The following GARNL3 variants were observed in gnomAD, a reference collection of about 807,000 sequenced individuals.
GARNL3 encodes the protein GTPase activating Rap/RanGAP domain like 3, also known as GTPase-activating Rap/Ran-GAP domain-like protein 3.
A neutral mutation model predicts 125.0 loss-of-function variants in GARNL3; 63 were observed. The ratio of observed to expected loss-of-function variants is 0.50; its 90% confidence interval spans 0.41 to 0.62. The LOEUF (loss-of-function observed/expected upper bound fraction) is 0.62. GARNL3 is among the 20% of genes least tolerant of loss of function. GARNL3 has a pLI of 0.00. For missense variants in GARNL3, 994 were observed against 1,244.0 expected, an observed-to-expected ratio of 0.80 and a Z score of 3.02; for synonymous variants, 439 against 457.5, an observed-to-expected ratio of 0.96 and a Z score of 0.52.
At chr9:127,341,265 A>G (rs1829845871) in intron 13 of GARNL3, among the ~76,000 whole-genome samples, 1 of 152,170 alleles carries the variant, frequency 6.6e-6, no homozygotes. Flanking sequence ...AAATGCTACA[A>G]CAAGGTCCCA....
intron 7 of GARNL3, among the ~76,000 whole-genome samples, chr9:127,330,258 A>T (rs567489628): frequency 6.6e-6 from 1 of 152,330 alleles, no homozygotes; most frequent in East Asian, 1.9e-4. Context: ...GTGCTTTTTA[A>T]GGGACCCTTG....
intron 1 of GARNL3, among the ~76,000 whole-genome samples, chr9:127,240,800 CAGG>C (rs148208651): frequency 0.14 from 21,195 of 152,054 alleles, 1,921 homozygotes; most frequent in East Asian, 0.2. Flanking sequence ...CCCAGCTACT[CAGG>C]AGGTTGAGGC....
intron 16 of GARNL3, among the ~76,000 whole-genome samples, chr9:127,348,067 T>C (rs1257184559): frequency 6.6e-6 from 1 of 152,200 alleles, no homozygotes; most frequent in African/African-American, 2.4e-5. Flanking sequence ...CAGGCTCTAC[T>C]ACAGCCCCAG....
intron 26 of GARNL3, among the ~76,000 whole-genome samples, chr9:127,390,262 A>G (rs1372810940): frequency 6.6e-6 from 1 of 152,178 alleles, no homozygotes; most frequent in African/African-American, 2.4e-5. Flanking sequence ...TTGAAAATAA[A>G]TGTATTGCTA....
At chr9:127,342,097 C>A in intron 13 of GARNL3, 122 bp from the exon 14 acceptor site, 1 of 701,246 alleles carries the variant, frequency 1.4e-6, no homozygotes, top group South Asian at 1.8e-5. Flanking sequence ...GAAAAAAAAC[C>A]TCAAACAAAA....
At chr9:127,243,672 C>T (rs1334015659) in intron 2 of GARNL3, among the ~76,000 whole-genome samples, 1 of 152,138 alleles carries the variant, frequency 6.6e-6, no homozygotes, top group South Asian at 2.1e-4. Flanking sequence ...TACATTTTAC[C>T]TACCTTTTGA....
chr9:127,383,405 A>G, intron 22 of GARNL3, 33 bp from the exon 23 acceptor site: 2 of 1,389,576 alleles, frequency 1.4e-6, no homozygotes. Flanking sequence ...TGTTGTCTCT[A>G]ACAAAAATGA....
chr9:127,384,926 A>T lies in GARNL3; in HGVS notation c.2270-101A>T. 1 of 614,262 alleles carries T rather than the reference A, an allele frequency of 1.6e-6. No individual in the cohort carries two copies. Among genetic ancestry groups the T allele is most frequent in the Non-Finnish European group, 2.9e-6 (1 of 344,590 alleles). The allele number at this position is 614,262 out of a possible 1,614,324, so 38.1% of individuals were successfully genotyped here. A position where few individuals can be genotyped will look rare whatever the true frequency, so the allele number is the denominator to read the frequency against. On this transcript the variant is annotated intron_variant, in intron 23 of 27. Transcript: ENST00000373387. This position sits in a 1 kb window ranked among gnomAD's most constrained non-coding sequence, Gnocchi z 4.0. ...AGAGAAGCAGCCAGAGGAATGAGAG[A>T]TGGAAGTTTCTAGAGAAGTGAGTGT...
intron 1 of GARNL3, among the ~76,000 whole-genome samples, chr9:127,226,725 C>T (rs571960324): frequency 1.3e-5 from 2 of 152,334 alleles, no homozygotes; most frequent in South Asian, 2.1e-4. Context: ...TCTTCAAGTC[C>T]ACATAACACT....
intron 1 of GARNL3, among the ~76,000 whole-genome samples, chr9:127,231,032 A>G (rs1392018641): frequency 5.8e-5 from 3 of 51,478 alleles, no homozygotes; most frequent in Non-Finnish European, 1.1e-4. Flanking sequence ...ATATGTATAT[A>G]TACATATATA....
At chr9:127,347,116 G>A (rs1013682421) in intron 16 of GARNL3, among the ~76,000 whole-genome samples, 17 of 152,146 alleles carry the variant, frequency 1.1e-4, no homozygotes, top group Admixed American at 4.6e-4. Context: ...GACACCCTGC[G>A]TGCACCTGCC....
chr9:127,255,743 G>T (rs976822301), intron 2 of GARNL3, among the ~76,000 whole-genome samples: 1 of 152,200 alleles, frequency 6.6e-6, no homozygotes, highest in African/African-American at 2.4e-5. Flanking sequence ...GAATCCCAGG[G>T]AAATCTTGTT....
rs529353758 is a variant in GARNL3 at position 127,365,618 on chromosome 9, T to A, written c.2161+252T>A. ...GGATGCGCCAGTGATGACAATGGCT[T>A]CCAGTTAGGAGGCCCTTACTGTGTG... is the stretch of plus-strand genomic sequence containing the variant. On this transcript the variant is annotated intron_variant, in intron 22 of 27. Coordinates refer to ENST00000373387, the MANE Select transcript of GARNL3 (RefSeq NM_032293.5). Among the ~76,000 whole-genome samples, 3 of 152,282 alleles carry A rather than the reference T, an allele frequency of 2.0e-5. No individual in the cohort carries two copies. In the East Asian group the frequency reaches 5.8e-4, roughly 29 times the overall value.
In GARNL3 at chr9:127,311,748, T is replaced by A; in HGVS notation, c.319+13T>A. On this transcript the variant is annotated intron_variant, in intron 3 of 27. Transcript: ENST00000373387. ...TTTTTAGGACAAGGTAATTATGCTA[T>A]TGTGGTGGTAGGGAAGAAAGGGTAT... 6.5e-7 allele frequency: 1 copy of A among 1,538,868 alleles called. No individual in the cohort carries two copies. The highest frequency in any genetic ancestry group is 2.2e-5 in the East Asian group (1 of 44,510).
At chr9:127,379,494 G>T (rs1198471105) in intron 22 of GARNL3, among the ~76,000 whole-genome samples, 1 of 152,202 alleles carries the variant, frequency 6.6e-6, no homozygotes, top group Non-Finnish European at 1.5e-5. Context: ...GCTAGAAGTG[G>T]TCTAGATGGT....
At position 127,384,738 on chromosome 9, in the gene GARNL3, C is replaced by A. The variant is rs982151369; in HGVS notation, c.2270-289C>A. Among the ~76,000 whole-genome samples the A allele has an allele frequency of 7.9e-5, 12 of 152,174 alleles. No homozygotes were observed. The highest frequency in any genetic ancestry group is 2.9e-5 in the Non-Finnish European group (2 of 68,016). ...CCACAGGACTATGGCAAGTGAGCTG[C>A]CTCGCTGGAAGATCAGGCAGTGGGG... is the stretch of plus-strand genomic sequence containing the variant. On this transcript the variant is annotated intron_variant, in intron 23 of 27. Transcript: ENST00000373387. This position sits in a 1 kb window ranked among gnomAD's most constrained non-coding sequence, Gnocchi z 4.0.
At chr9:127,323,556 T>G (rs2065467195) in intron 6 of GARNL3, among the ~76,000 whole-genome samples, 1 of 152,176 alleles carries the variant, frequency 6.6e-6, no homozygotes, top group African/African-American at 2.4e-5. Context: ...CCAGTCCTAA[T>G]GCTTGCAGGG....
intron 1 of GARNL3, among the ~76,000 whole-genome samples, chr9:127,234,269 A>G (rs2063071836): frequency 6.6e-6 from 1 of 152,238 alleles, no homozygotes; most frequent in African/African-American, 2.4e-5. Context: ...GAGGAAGACA[A>G]TACTCAAATT....
rs1564182635 is a variant in GARNL3, at chr9:127,364,968, A to C, written c.2095-332A>C. On this transcript the variant is annotated intron_variant, in intron 21 of 27. Coordinates refer to ENST00000373387, the MANE Select transcript of GARNL3 (RefSeq NM_032293.5). This position sits in a 1 kb window ranked among gnomAD's most constrained non-coding sequence, Gnocchi z 4.2. ...AATTGCAGTTTTTGCCATTGGAAAT[A>C]ATGGCATATAAACCTGAGGCATTTC... 3.7e-6 allele frequency: 1 copy of C among 268,490 alleles called. No individual in the cohort carries two copies. Among genetic ancestry groups the C allele is most frequent in the African/African-American group, 2.2e-5 (1 of 44,974 alleles). 16.6% of individuals were successfully genotyped at this position (268,490 alleles called of 1,614,324 possible). A position where few individuals can be genotyped will look rare whatever the true frequency, so the allele number is the denominator to read the frequency against.
Sources: allele counts gnomAD v4.1 joint callset (sites outside exome capture counted in the v4.1 genomes callset), GRCh38; gene constraint gnomAD v4.1.1; non-coding constraint Gnocchi (gnomAD v3.1); transcripts MANE v1.5; gene names NCBI Gene and HGNC (gene_info 2026-07-23, HGNC 2026-07-21).